ABCC1: variants seen among roughly 807,000 people sequenced by gnomAD.
The protein encoded by ABCC1 is multidrug resistance-associated protein 1.
In ABCC1, 83 loss-of-function variants were observed where a neutral mutation model predicts 172.9. The ratio of observed to expected loss-of-function variants is 0.48; its 90% CI spans 0.40 to 0.58. ABCC1 has a LOEUF of 0.58. Among genes scored for constraint, ABCC1 ranks in the 20% least tolerant of loss-of-function variants. The pLI is 0.00. For synonymous variants in ABCC1, 937 were observed against 825.2 expected (o/e 1.14, Z -2.32); for missense variants, 1,817 against 2,002.7 (o/e 0.91, Z 1.77).
intron 12 of ABCC1, chr16:16,056,637 C>T (rs2049667440): frequency 3.2e-6 from 1 of 312,316 alleles, no homozygotes. Flanking sequence ...CCAGTGCACT[C>T]CAGCCTGGGC....
intron 5 of ABCC1, among the ~76,000 whole-genome samples, chr16:16,030,769 A>G (rs946445197): frequency 4.6e-5 from 7 of 152,088 alleles, no homozygotes; most frequent in Non-Finnish European, 1.0e-4. Flanking sequence ...AGTTTAAAAC[A>G]AAAACAAAGC....
intron 21 of ABCC1, 148 bp downstream of exon 21, chr16:16,107,021 T>A: frequency 8.0e-7 from 1 of 1,251,186 alleles, no homozygotes. Flanking sequence ...CACCAGAAAC[T>A]GAGGCCAGAG....
intron 7 of ABCC1, among the ~76,000 whole-genome samples, chr16:16,039,759 G>A (rs2048901142): frequency 1.3e-5 from 2 of 152,106 alleles, no homozygotes; most frequent in Non-Finnish European, 2.9e-5. Context: ...GTTTTGAGAA[G>A]GTCACATTTG....
At chr16:16,030,584 CCTT>C (rs2048528204) in intron 5 of ABCC1, among the ~76,000 whole-genome samples, 8 of 152,006 alleles carry the variant, frequency 5.3e-5, no homozygotes, top group Admixed American at 5.2e-4. Flanking sequence ...TACTTATTCT[CCTT>C]GTCAAAGCTC....
At chr16:15,956,927 T>C (rs2046010726) in intron 1 of ABCC1, among the ~76,000 whole-genome samples, 1 of 152,070 alleles carries the variant, frequency 6.6e-6, no homozygotes, top group Admixed American at 6.6e-5. Context: ...CAGCTGTTTG[T>C]TGAATAAATG....
chr16:16,134,209 C>G (rs1383457511), intron 27 of ABCC1, 141 bp from the exon 28 acceptor site: 1 of 994,466 alleles, frequency 1.0e-6, no homozygotes, highest in African/African-American at 1.6e-5. Context: ...TGTCTCTGGG[C>G]AGCGCGCAAG....
At chr16:16,084,434 G>C (rs937428850) in intron 17 of ABCC1, among the ~76,000 whole-genome samples, 2 of 150,700 alleles carry the variant, frequency 1.3e-5, no homozygotes, top group Middle Eastern at 3.4e-3. Context: ...CTCACTCTTG[G>C]CTCATTGCAA....
At chr16:15,958,321 GTCTTGAATTCCTGAACTCAAGTGGATC>G (rs1567273379) in intron 1 of ABCC1, among the ~76,000 whole-genome samples, 1 of 151,824 alleles carries the variant, frequency 6.6e-6, no homozygotes, top group East Asian at 1.9e-4. Flanking sequence ...GGCCAGGCTG[GTCTTGAATTCCTGAACTCAAGTGGATC>G]ACTTGAGTTC....
intron 23 of ABCC1, 23 bp from the exon 24 acceptor site, chr16:16,121,952 C>T (rs374285259): frequency 6.2e-7 from 1 of 1,613,750 alleles, no homozygotes; most frequent in Non-Finnish European, 8.5e-7. Context: ...TCATCAACTC[C>T]CCGCGTCTGT....
chr16:15,979,251 A>G (rs572158638), intron 1 of ABCC1, among the ~76,000 whole-genome samples: 16 of 152,148 alleles, frequency 1.1e-4, no homozygotes, highest in African/African-American at 3.9e-4. Context: ...AGATTGCACT[A>G]CTGCACTCCA....
chr16:16,013,049 A>C (rs1471387592), intron 3 of ABCC1, among the ~76,000 whole-genome samples: 3 of 151,862 alleles, frequency 2.0e-5, no homozygotes, highest in Non-Finnish European at 4.4e-5. Flanking sequence ...TGATAGTCTG[A>C]GGGTTGGGGC....
chr16:16,070,035 A>G (rs1239345331), intron 13 of ABCC1, among the ~76,000 whole-genome samples: 1 of 151,946 alleles, frequency 6.6e-6, no homozygotes, highest in African/African-American at 2.4e-5. Flanking sequence ...TCAGTCTCCA[A>G]GAAAGGAAAT....
intron 20 of ABCC1, among the ~76,000 whole-genome samples, chr16:16,105,074 C>T (rs1050466998): frequency 2.0e-5 from 3 of 152,242 alleles, no homozygotes; most frequent in Non-Finnish European, 2.9e-5. Flanking sequence ...AAGGGGCTCC[C>T]ACAGTGCAGC....
chr16:16,026,187 T>C (rs2048361537), intron 5 of ABCC1, among the ~76,000 whole-genome samples: 1 of 152,040 alleles, frequency 6.6e-6, no homozygotes, highest in Admixed American at 6.6e-5. Context: ...ATCCCAGCAC[T>C]TTGGGAGGCC....
chr16:16,003,948 G>GT (rs2151702614), intron 1 of ABCC1, among the ~76,000 whole-genome samples: 1 of 150,634 alleles, frequency 6.6e-6, no homozygotes, highest in African/African-American at 2.4e-5. Context: ...ATTGGTTGGG[G>GT]GGGGTGGATG....
chr16:15,951,246 G>A (rs1426081734), intron 1 of ABCC1, among the ~76,000 whole-genome samples: 4 of 151,892 alleles, frequency 2.6e-5, no homozygotes, highest in African/African-American at 9.7e-5. Context: ...TTGAGGAGGG[G>A]GCAAAACAGG....
intron 1 of ABCC1, among the ~76,000 whole-genome samples, chr16:16,002,771 CAAA>C (rs34530270): frequency 5.4e-5 from 7 of 129,292 alleles, no homozygotes; most frequent in Admixed American, 7.9e-5. Context: ...GACCTTGTCT[CAAA>C]AAAAAAAAAA....
chr16:16,064,211 C>T (rs1437904972), intron 12 of ABCC1, among the ~76,000 whole-genome samples: 2 of 152,108 alleles, frequency 1.3e-5, no homozygotes, highest in African/African-American at 2.4e-5. Context: ...GACAGGTGCT[C>T]CTCACTGTGT....
Position 16,134,330 on chromosome 16 carries a change from T to TG in ABCC1, c.3967-17dup. 1 of 1,613,710 alleles carries TG rather than the reference T, an allele frequency of 6.2e-7. No homozygotes were observed. The stretch of plus-strand genomic sequence containing the variant: ...CGGATGCCAGCATTCCCACCACACC[T>TG]GGGCCCTTCTGTCCTGCAGGTCGGC... On this transcript the variant is annotated intron_variant, in intron 27 of 30. Transcript: ENST00000399410.
Sources: allele counts gnomAD v4.1 joint callset (sites outside exome capture counted in the v4.1 genomes callset), GRCh38; gene constraint gnomAD v4.1.1; transcripts MANE v1.5; gene names NCBI Gene and HGNC (gene_info 2026-07-23, HGNC 2026-07-21).